Variants in LMNB1 observed in about 807,000 individuals in gnomAD.
LMNB1 encodes the protein lamin B1, also known as lamin-B1.
LMNB1 carries 23 observed loss-of-function variants against 67.1 expected under a neutral mutation model. The ratio of observed to expected loss-of-function variants is 0.34; its 90% confidence interval spans 0.25 to 0.49. LMNB1 has a LOEUF of 0.49. Among genes scored for constraint, LMNB1 ranks in the 20% least tolerant of loss-of-function variants. The pLI is 0.99. For synonymous variants in LMNB1, 281 were observed against 282.9 expected, an observed-to-expected ratio of 0.99 and a Z score of 0.07; for missense variants, 634 against 746.5, an observed-to-expected ratio of 0.85 and a Z score of 1.76.
chr5:126,832,951 C>A, intron 10 of LMNB1, 150 bp downstream of exon 10: 1 of 462,976 alleles, frequency 2.2e-6, no homozygotes. Flanking sequence ...AAGGGATATT[C>A]AAGGTGATAC....
chr5:126,832,223 A>G (rs1752151587), intron 9 of LMNB1, among the ~76,000 whole-genome samples: 1 of 152,210 alleles, frequency 6.6e-6, no homozygotes, highest in South Asian at 2.1e-4. Context: ...AACCGAGGTC[A>G]TGCCACTGCA....
At chr5:126,832,433 G>A (rs962329030) in intron 9 of LMNB1, among the ~76,000 whole-genome samples, 3 of 151,988 alleles carry the variant, frequency 2.0e-5, no homozygotes, top group Admixed American at 6.6e-5. Context: ...CTGAGTAGCT[G>A]GGATTACAGG....
At chr5:126,799,943 C>G (rs1429144961) in intron 1 of LMNB1, among the ~76,000 whole-genome samples, 1 of 152,202 alleles carries the variant, frequency 6.6e-6, no homozygotes, top group African/African-American at 2.4e-5. Context: ...GCCTGCTGCC[C>G]ACCTGCTTGT....
intron 4 of LMNB1, chr5:126,811,563 T>C: frequency 2.6e-6 from 1 of 378,746 alleles, no homozygotes; most frequent in Non-Finnish European, 5.0e-6. Context: ...TATATTAGCA[T>C]TCTTAAAGCT....
At chr5:126,793,194 T>C (rs1751008913) in intron 1 of LMNB1, among the ~76,000 whole-genome samples, 1 of 152,214 alleles carries the variant, frequency 6.6e-6, no homozygotes. Context: ...GCCTAGCACA[T>C]TGTAGATGAG....
intron 9 of LMNB1, among the ~76,000 whole-genome samples, chr5:126,827,629 A>G (rs1752026840): frequency 6.6e-6 from 1 of 152,248 alleles, no homozygotes; most frequent in Non-Finnish European, 1.5e-5. Context: ...CCTGGGCGAC[A>G]GAGCAAGACT....
rs1751692031 is a variant in LMNB1 at position 126,815,802 on chromosome 5, T to C, written c.940-3120T>C. Among the ~76,000 whole-genome samples, 3 of 152,202 alleles carry C rather than the reference T, an allele frequency of 2.0e-5. No homozygotes were observed. The South Asian group carries it at 6.2e-4, about 31-fold the overall frequency. On this transcript the variant is annotated intron_variant, in intron 5 of 10. Transcript: ENST00000261366. ...TTATATTTCACTACACAGGTGTAAG[T>C]GCAGCTACTGAAAATAGAATTTAAA...
At chr5:126,778,219 G>A (rs979231707) in intron 1 of LMNB1, among the ~76,000 whole-genome samples, 1 of 152,132 alleles carries the variant, frequency 6.6e-6, no homozygotes, top group Admixed American at 6.5e-5. Context: ...TCAGGCCCCA[G>A]GTGCGGGGAG....
At chr5:126,826,960 G>C (rs960558960) in intron 9 of LMNB1, among the ~76,000 whole-genome samples, 5 of 152,148 alleles carry the variant, frequency 3.3e-5, no homozygotes, top group African/African-American at 1.2e-4. Flanking sequence ...TGCCTACCAG[G>C]AGAGCTGTAA....
intron 1 of LMNB1, among the ~76,000 whole-genome samples, chr5:126,793,398 G>A (rs1056627910): frequency 2.0e-5 from 3 of 151,758 alleles, no homozygotes; most frequent in African/African-American, 7.3e-5. Context: ...AATTTTACCC[G>A]AGTTTCAACT....
chr5:126,795,933 CTT>C lies in LMNB1; in HGVS notation c.360-8828_360-8827del, dbSNP rs70997314. ...GAGCCACTGCGCCTGGCCCAGGATG[CTT>C]TTTTTTTTTTTTTTGAGACGGAGTT... On this transcript the variant is annotated intron_variant, in intron 1 of 10. Coordinates refer to ENST00000261366, the MANE Select transcript of LMNB1 (RefSeq NM_005573.4). Among the ~76,000 whole-genome samples the C allele has an allele frequency of 7.3e-5, 6 of 82,070 alleles. 1 individual carries two copies. The highest frequency in any genetic ancestry group is 9.0e-5 in the African/African-American group (2 of 22,132). 53.8% of individuals were successfully genotyped at this position (82,070 alleles called of 152,430 possible).
At chr5:126,819,816 A>G (rs1047593664) in intron 6 of LMNB1, among the ~76,000 whole-genome samples, 4 of 152,094 alleles carry the variant, frequency 2.6e-5, no homozygotes, top group African/African-American at 4.8e-5. Flanking sequence ...AATCTGGTCA[A>G]TGTATAAATA....
intron 1 of LMNB1, among the ~76,000 whole-genome samples, chr5:126,781,440 T>A (rs1287534080): frequency 6.6e-6 from 1 of 152,132 alleles, no homozygotes; most frequent in Non-Finnish European, 1.5e-5. Context: ...AAAGTATTAT[T>A]TTGCCCTATT....
In LMNB1 at chr5:126,818,886, T is replaced by A. The variant is rs200939446; in HGVS notation, c.940-36T>A. On this transcript the variant is annotated intron_variant, in intron 5 of 10. Coordinates refer to ENST00000261366, the MANE Select transcript of LMNB1 (RefSeq NM_005573.4). Reference sequence around the variant, plus strand: ...GCTGCCTGGTGCTAATGTTGGAATGTTCCTAGAAAGTAAATATGTTTCCTT... The same window carrying A: ...GCTGCCTGGTGCTAATGTTGGAATGATCCTAGAAAGTAAATATGTTTCCTT... 8.0e-4 allele frequency: 1,178 copies of A among 1,463,440 alleles called. 18 individuals are homozygous for A. In the African/African-American group the frequency reaches 0.015, roughly 18 times the overall value. The allele number at this position is 1,463,440 out of a possible 1,614,324, so 90.7% of individuals were successfully genotyped here. A position where few individuals can be genotyped will look rare whatever the true frequency, so the allele number is the denominator to read the frequency against.
At chr5:126,779,420 T>G (rs1750566536) in intron 1 of LMNB1, among the ~76,000 whole-genome samples, 1 of 152,186 alleles carries the variant, frequency 6.6e-6, no homozygotes. Context: ...GAGCAGTCAG[T>G]TAACTCACAC....
intron 1 of LMNB1, among the ~76,000 whole-genome samples, chr5:126,788,310 G>A (rs927239079): frequency 1.3e-5 from 2 of 152,006 alleles, no homozygotes; most frequent in African/African-American, 2.4e-5. Flanking sequence ...GGACTGGGTA[G>A]AGAAAGGAGA....
At chr5:126,831,771 C>G (rs1228348236) in intron 9 of LMNB1, among the ~76,000 whole-genome samples, 1 of 152,112 alleles carries the variant, frequency 6.6e-6, no homozygotes, top group African/African-American at 2.4e-5. Flanking sequence ...TTTAGTATGT[C>G]AAATAATTTG....
chr5:126,801,732 T>C (rs1386316308), intron 1 of LMNB1, among the ~76,000 whole-genome samples: 1 of 152,232 alleles, frequency 6.6e-6, no homozygotes, highest in Non-Finnish European at 1.5e-5. Context: ...TTATGCAGTA[T>C]CATTCTTGCT....
intron 8 of LMNB1, among the ~76,000 whole-genome samples, chr5:126,824,791 G>A (rs948384467): frequency 6.6e-6 from 1 of 152,000 alleles, no homozygotes; most frequent in African/African-American, 2.4e-5. Context: ...TCAAAAGTAA[G>A]GGCTCTCTCC....
Sources: gnomAD v4.1 joint callset for allele counts (sites outside exome capture counted in the v4.1 genomes callset) on GRCh38, gnomAD v4.1.1 for gene constraint, MANE v1.5 for transcripts, NCBI Gene and HGNC (gene_info 2026-07-23, HGNC 2026-07-21) for gene names.